Variants in ULK4 observed in about 807,000 individuals in gnomAD.
ULK4 encodes the protein inactive serine/threonine-protein kinase ULK4.
In ULK4, 133 loss-of-function variants were observed where a neutral mutation model predicts 160.6. That is an observed-to-expected ratio of 0.83 (90% CI 0.72 to 0.96). ULK4 has a LOEUF of 0.96. Ranked by LOEUF, ULK4 falls within the 40% of genes least tolerant of loss-of-function variation. The pLI is 0.00. For missense variants in ULK4, 1,580 were observed against 1,499.5 expected, an observed-to-expected ratio of 1.05 and a Z score of -0.89; for synonymous variants, 534 against 539.8, an observed-to-expected ratio of 0.99 and a Z score of 0.15.
intron 32 of ULK4, among the ~76,000 whole-genome samples, chr3:41,484,599 C>A (rs1454183302): frequency 6.6e-6 from 1 of 151,848 alleles, no homozygotes; most frequent in Non-Finnish European, 1.5e-5. Context: ...ACTACAGGCG[C>A]CCGCCACCAC....
Position 41,372,110 on chromosome 3 carries a change from G to A in ULK4, c.3678+25969C>T, listed in dbSNP as rs1003362355. Among the ~76,000 whole-genome samples the A allele has an allele frequency of 6.1e-4, 92 of 151,892 alleles. 1 individual carries two copies. Among genetic ancestry groups the A allele is most frequent in the Middle Eastern group, 3.4e-3 (1 of 294 alleles). Reference sequence around the variant, plus strand: ...AGATTAGAGAAAAAAGAATGAAAAGGAACAAACAAAGCCTCCAAGAAATAT... The same window carrying A: ...AGATTAGAGAAAAAAGAATGAAAAGAAACAAACAAAGCCTCCAAGAAATAT... On this transcript the variant is annotated intron_variant, in intron 35 of 36. Coordinates refer to ENST00000301831, the MANE Select transcript of ULK4 (RefSeq NM_017886.4).
At chr3:41,321,948 C>G (rs1314356558) in intron 35 of ULK4, among the ~76,000 whole-genome samples, 1 of 145,012 alleles carries the variant, frequency 6.9e-6, no homozygotes, top group Non-Finnish European at 1.5e-5. Context: ...AAACCACACA[C>G]TTGAATCTCT....
Position 41,360,853 on chromosome 3 carries a change from C to T in ULK4, c.3678+37226G>A, listed in dbSNP as rs1050287970. Among the ~76,000 whole-genome samples the T allele has an allele frequency of 3.9e-5, 6 of 151,942 alleles. No homozygotes were observed. In the East Asian group the frequency reaches 1.2e-3, roughly 29 times the overall value. On this transcript the variant is annotated intron_variant, in intron 35 of 36. Coordinates refer to ENST00000301831, the MANE Select transcript of ULK4 (RefSeq NM_017886.4). ...TACCTAGGTGATGGGATGATCTGTG[C>T]TACAAACCACCATAGCACACGTTTA...
chr3:41,764,786 G>C (rs997101341), intron 21 of ULK4, among the ~76,000 whole-genome samples: 11 of 152,214 alleles, frequency 7.2e-5, no homozygotes, highest in Non-Finnish European at 1.5e-4. Context: ...AAATAAAGTG[G>C]AGATAATTAC....
chr3:41,552,143 C>T (rs1279798520), intron 32 of ULK4, among the ~76,000 whole-genome samples: 1 of 151,898 alleles, frequency 6.6e-6, no homozygotes, highest in Non-Finnish European at 1.5e-5. Flanking sequence ...ATATGACAAA[C>T]AGCTAACATC....
At chr3:41,675,362 G>T (rs909735569) in intron 29 of ULK4, among the ~76,000 whole-genome samples, 7 of 151,704 alleles carry the variant, frequency 4.6e-5, no homozygotes, top group Admixed American at 2.6e-4. Context: ...GGCAGAGGCG[G>T]GCAGATCACT....
chr3:41,914,106 A>G (rs903995029), intron 8 of ULK4, among the ~76,000 whole-genome samples: 3 of 152,218 alleles, frequency 2.0e-5, no homozygotes, highest in Non-Finnish European at 2.9e-5. Flanking sequence ...ACTCAGGCTC[A>G]CTTTCAAAAG....
intron 1 of ULK4, among the ~76,000 whole-genome samples, chr3:41,956,080 T>G (rs1323845750): frequency 6.6e-6 from 1 of 152,172 alleles, no homozygotes; most frequent in Non-Finnish European, 1.5e-5. Context: ...CAGAGGCTAT[T>G]CCCTTTGCAA....
At position 41,791,184 on chromosome 3, in the gene ULK4, C is replaced by T. The variant is rs183713106; in HGVS notation, c.2011-1341G>A. Among the ~76,000 whole-genome samples the T allele has an allele frequency of 3.9e-3, 588 of 152,280 alleles. 3 individuals are homozygous for T. The highest frequency in any genetic ancestry group is 0.027 in the Middle Eastern group (8 of 294). ...TCCTTTAAATGTTATTCAGTAGAGA[C>T]GGGGTTTCACCGTGTTAGCCAGGAT... On this transcript the variant is annotated intron_variant, in intron 20 of 36. Coordinates refer to ENST00000301831, the MANE Select transcript of ULK4 (RefSeq NM_017886.4).
At chr3:41,666,743 G>C (rs147591522) in intron 29 of ULK4, among the ~76,000 whole-genome samples, 36 of 152,274 alleles carry the variant, frequency 2.4e-4, no homozygotes, top group African/African-American at 7.9e-4. Context: ...ATCACAAGAG[G>C]AAATATGGAC....
At chr3:41,289,154 G>T (rs1455076620) in intron 35 of ULK4, among the ~76,000 whole-genome samples, 1 of 152,118 alleles carries the variant, frequency 6.6e-6, no homozygotes, top group Non-Finnish European at 1.5e-5. Flanking sequence ...TATTTGAATT[G>T]GTTTGTTTTG....
intron 19 of ULK4, among the ~76,000 whole-genome samples, chr3:41,808,506 A>G (rs2040720992): frequency 6.6e-6 from 1 of 152,222 alleles, no homozygotes; most frequent in Admixed American, 6.5e-5. Context: ...CAAGCAAATA[A>G]GAGTAGCGGT....
chr3:41,746,994 T>C (rs535593062), intron 22 of ULK4, among the ~76,000 whole-genome samples: 1 of 152,102 alleles, frequency 6.6e-6, no homozygotes, highest in East Asian at 1.9e-4. Context: ...CTTTATACTT[T>C]ATGCGTAAAA....
At chr3:41,771,447 T>C (rs1436986090) in intron 21 of ULK4, among the ~76,000 whole-genome samples, 15 of 152,100 alleles carry the variant, frequency 9.9e-5, no homozygotes, top group Non-Finnish European at 1.5e-5. Flanking sequence ...ACTCAGTAAA[T>C]GTAAATTTAT....
chr3:41,739,119 G>A (rs796552995), intron 22 of ULK4, among the ~76,000 whole-genome samples: 7 of 151,948 alleles, frequency 4.6e-5, no homozygotes, highest in African/African-American at 1.7e-4. Flanking sequence ...GTTACTTATC[G>A]TTAATCTGGG....
At chr3:41,456,694 C>T (rs533762700) in intron 33 of ULK4, among the ~76,000 whole-genome samples, 1 of 152,156 alleles carries the variant, frequency 6.6e-6, no homozygotes, top group Non-Finnish European at 1.5e-5. Context: ...TATGTAGACG[C>T]CCTTCCTCTC....
chr3:41,412,728 T>C (rs2082434324), intron 34 of ULK4, among the ~76,000 whole-genome samples: 2 of 151,764 alleles, frequency 1.3e-5, no homozygotes, highest in East Asian at 3.9e-4. Context: ...CCCAGCTAAT[T>C]TGTTGTATTT....
chr3:41,958,561 A>T (rs576948619), intron 1 of ULK4, among the ~76,000 whole-genome samples: 1 of 151,580 alleles, frequency 6.6e-6, no homozygotes, highest in East Asian at 2.0e-4. Context: ...AAAAAAAAAA[A>T]ATTATCCAGG....
chr3:41,881,284 T>TA (rs58977381), intron 17 of ULK4, among the ~76,000 whole-genome samples: 1,270 of 126,118 alleles, frequency 0.01, 42 homozygotes, highest in African/African-American at 0.029. Context: ...CAGAAACTTC[T>TA]AAAAAAAAAA....
Sources: allele counts gnomAD v4.1 joint callset (sites outside exome capture counted in the v4.1 genomes callset), GRCh38; gene constraint gnomAD v4.1.1; transcripts MANE v1.5; gene names NCBI Gene and HGNC (gene_info 2026-07-23, HGNC 2026-07-21).